The following MACROD2 variants were observed in gnomAD, a reference collection of about 807,000 sequenced individuals.
MACROD2 encodes mono-ADP ribosylhydrolase 2, also known as ADP-ribose glycohydrolase MACROD2.
A neutral mutation model predicts 70.4 loss-of-function variants in MACROD2; 36 were observed. The ratio of observed to expected loss-of-function variants is 0.51; its 90% confidence interval spans 0.39 to 0.68. MACROD2 has a LOEUF of 0.68. MACROD2 is among the 30% of genes least tolerant of loss of function. The pLI is 0.00. For missense variants in MACROD2, 496 were observed against 538.4 expected (o/e 0.92, Z 0.78); for synonymous variants, 172 against 178.8 (o/e 0.96, Z 0.30).
intron 8 of MACROD2, among the ~76,000 whole-genome samples, chr20:15,733,974 C>T (rs1568998905): frequency 6.6e-6 from 1 of 151,972 alleles, no homozygotes; most frequent in Non-Finnish European, 1.5e-5. Context: ...TTGCAAGAAC[C>T]AAGAATTATG....
intron 5 of MACROD2, among the ~76,000 whole-genome samples, chr20:14,916,380 A>G (rs1395284093): frequency 6.6e-6 from 1 of 152,152 alleles, no homozygotes; most frequent in East Asian, 1.9e-4. Context: ...AAGGGATGGG[A>G]AATTCATAGG....
chr20:15,511,044 G>A (rs974916035), intron 8 of MACROD2, among the ~76,000 whole-genome samples: 4 of 152,152 alleles, frequency 2.6e-5, no homozygotes, highest in Non-Finnish European at 5.9e-5. Flanking sequence ...AGGGCCTCAG[G>A]CAAGGAAGCG....
rs115441772 is a variant in MACROD2, at chr20:15,764,932, G to T, written c.646-97813G>T. 4.8e-3 allele frequency among the ~76,000 whole-genome samples: 726 copies of T among 152,094 alleles called. 9 individuals carry two copies. Among genetic ancestry groups the T allele is most frequent in the African/African-American group, 0.016 (673 of 41,482 alleles). ...CTCTCTGCTCACTCTACCCATGCTG[G>T]CCTTCCTGCTATTCTCCAAATGTCC... On this transcript the variant is annotated intron_variant, in intron 8 of 17. Transcript: ENST00000684519.
At chr20:15,512,208 T>C (rs775711942) in intron 8 of MACROD2, among the ~76,000 whole-genome samples, 5 of 152,192 alleles carry the variant, frequency 3.3e-5, no homozygotes, top group Admixed American at 3.3e-4. Flanking sequence ...TTGACATGGG[T>C]TGACCAATAA....
chr20:14,215,140 A>C lies in MACROD2; in HGVS notation c.271+129412A>C, dbSNP rs192114830. On this transcript the variant is annotated intron_variant, in intron 3 of 17. Coordinates refer to ENST00000684519, the MANE Select transcript of MACROD2 (RefSeq NM_001351661.2). ...CATATATATATTCCATCATATATAT[A>C]TATTCCATCATATATGTTCCATCAT... Among the ~76,000 whole-genome samples the C allele has an allele frequency of 2.1e-5, 3 of 145,874 alleles. No individual in the cohort carries two copies. The East Asian group carries it at 5.9e-4, about 29-fold the overall frequency.
At chr20:14,905,680 A>G (rs1379828189) in intron 5 of MACROD2, 11 of 151,718 alleles carry the variant, frequency 7.3e-5, no homozygotes, top group Admixed American at 6.6e-4. Context: ...CATTGGTGTA[A>G]CCTCTCCAAT....
intron 12 of MACROD2, among the ~76,000 whole-genome samples, chr20:15,941,129 A>AT (rs1250360992): frequency 1.3e-5 from 2 of 151,870 alleles, no homozygotes; most frequent in Admixed American, 6.6e-5. Context: ...TACTTTTAGG[A>AT]TTTTTTTTAA....
chr20:15,011,222 A>C (rs1388953670), intron 5 of MACROD2, among the ~76,000 whole-genome samples: 4 of 152,140 alleles, frequency 2.6e-5, no homozygotes, highest in Non-Finnish European at 4.4e-5. Context: ...TTTGTCACTT[A>C]GGGTCAGTAG....
intron 10 of MACROD2, among the ~76,000 whole-genome samples, chr20:15,920,564 G>T (rs1385803786): frequency 6.6e-6 from 1 of 152,044 alleles, no homozygotes; most frequent in Admixed American, 6.5e-5. Context: ...AAAGACCTCT[G>T]TTGCATTTCT....
chr20:15,388,145 A>T (rs2045744956), intron 6 of MACROD2, among the ~76,000 whole-genome samples: 1 of 152,096 alleles, frequency 6.6e-6, no homozygotes, highest in African/African-American at 2.4e-5. Context: ...GAGTAAGCCA[A>T]TGAAGATGGG....
chr20:15,010,235 C>T (rs971967055), intron 5 of MACROD2, among the ~76,000 whole-genome samples: 14 of 152,202 alleles, frequency 9.2e-5, no homozygotes, highest in Non-Finnish European at 1.6e-4. Context: ...TGCAGAACCT[C>T]ATTTTAGAAA....
In MACROD2 at chr20:14,859,383, G is replaced by C. The variant is rs143118040; in HGVS notation, c.418+174424G>C. On this transcript the variant is annotated intron_variant, in intron 5 of 17. Coordinates refer to ENST00000684519, the MANE Select transcript of MACROD2 (RefSeq NM_001351661.2). ...GAAAAAGGCAAGGGCTGCATCTTTA[G>C]AAATGCTTTAATTCATGTAAAGTGC... Among the ~76,000 whole-genome samples, 186 of 152,258 alleles carry C rather than the reference G, an allele frequency of 1.2e-3. 1 individual carries two copies. Among genetic ancestry groups the C allele is most frequent in the African/African-American group, 3.9e-3 (164 of 41,554 alleles).
At chr20:14,167,371 A>G (rs1208784340) in intron 3 of MACROD2, among the ~76,000 whole-genome samples, 1 of 151,918 alleles carries the variant, frequency 6.6e-6, no homozygotes, top group Non-Finnish European at 1.5e-5. Flanking sequence ...ACTATATATA[A>G]TATCTTTAAA....
intron 6 of MACROD2, among the ~76,000 whole-genome samples, chr20:15,242,708 A>T (rs1322459254): frequency 6.6e-6 from 1 of 152,212 alleles, no homozygotes; most frequent in Admixed American, 6.5e-5. Context: ...ATCTAGTAGT[A>T]TATTTTTAAA....
At chr20:15,336,374 CAA>C (rs375025202) in intron 6 of MACROD2, among the ~76,000 whole-genome samples, 5 of 104,760 alleles carry the variant, frequency 4.8e-5, no homozygotes, top group Admixed American at 1.0e-4. Context: ...GTGTTTTAAC[CAA>C]AAAAAAAAAA....
intron 2 of MACROD2, among the ~76,000 whole-genome samples, chr20:14,061,295 A>G (rs2053687836): frequency 6.6e-6 from 1 of 152,184 alleles, no homozygotes; most frequent in Admixed American, 6.5e-5. Flanking sequence ...GAATTTGTTT[A>G]AAGTTCTTTT....
intron 8 of MACROD2, among the ~76,000 whole-genome samples, chr20:15,839,617 T>TA (rs1473087835): frequency 7.9e-5 from 12 of 152,146 alleles, no homozygotes; most frequent in Non-Finnish European, 1.6e-4. Context: ...TGTCATAGCC[T>TA]AAATCAGAAG....
intron 5 of MACROD2, among the ~76,000 whole-genome samples, chr20:15,036,087 G>A (rs530792968): frequency 6.6e-6 from 1 of 152,204 alleles, no homozygotes; most frequent in South Asian, 2.1e-4. Context: ...TGACCTATGT[G>A]TATGAATTTG....
At chr20:14,449,628 A>G (rs1322524245) in intron 3 of MACROD2, among the ~76,000 whole-genome samples, 1 of 152,150 alleles carries the variant, frequency 6.6e-6, no homozygotes, top group Non-Finnish European at 1.5e-5. Flanking sequence ...AAGATTGAGG[A>G]CTACAAAATA....
Sources: gnomAD v4.1 joint callset for allele counts (sites outside exome capture counted in the v4.1 genomes callset) on GRCh38, gnomAD v4.1.1 for gene constraint, MANE v1.5 for transcripts, NCBI Gene and HGNC (gene_info 2026-07-23, HGNC 2026-07-21) for gene names.